The following OCLN variants were observed in gnomAD, a reference collection of about 807,000 sequenced individuals.
OCLN encodes the protein phosphatase 1, regulatory subunit 115.
In OCLN, 21 loss-of-function variants were observed where a neutral mutation model predicts 47.9. The observed-to-expected ratio is 0.44, with a 90% CI of 0.31 to 0.63. The LOEUF (loss-of-function observed/expected upper bound fraction) is 0.63. Ranked by LOEUF, OCLN falls within the 30% of genes least tolerant of loss-of-function variation. The pLI, the probability that OCLN is intolerant of heterozygous loss-of-function variation, is 0.08. For synonymous variants in OCLN, 117 were observed against 198.4 expected (o/e 0.59, Z 3.45); for missense variants, 360 against 571.0 (o/e 0.63, Z 3.77).
chr5:69,525,184 G>C (rs989331321), intron 4 of OCLN, among the ~76,000 whole-genome samples: 1 of 150,616 alleles, frequency 6.6e-6, no homozygotes, highest in Non-Finnish European at 1.5e-5. Flanking sequence ...GGCTCACTGC[G>C]AGCTCCACCT....
rs1205575149 is a variant in OCLN, at chr5:69,509,262, T to C, written c.172T>C (p.Trp58Arg). The C allele has an allele frequency of 1.9e-6, 3 of 1,614,252 alleles. No individual in the cohort carries two copies. The highest frequency in any genetic ancestry group is 4.5e-5 in the East Asian group (2 of 44,890). Residue 58 changes from tryptophan (W) to arginine (R), a missense_variant, in exon 3 of 9, where the codon TGG becomes CGG. Physicochemically the swap from Trp to Arg is moderately radical, Grantham distance 101. Around this residue, in one of 3 missense-constraint regions of OCLN, gnomAD observed 314 missense variants for 368.1 expected, o/e 0.85. Transcript: ENST00000396442. ...PEDEILHFYK[W>R]TSPPGVIRIL... is the part of the protein sequence containing the mutation. The stretch of plus-strand genomic sequence containing the variant: ...AGATGAAATTCTTCACTTCTACAAA[T>C]GGACCTCTCCTCCAGGAGTGATTCG...
intron 4 of OCLN, among the ~76,000 whole-genome samples, chr5:69,523,638 C>T (rs955492568): frequency 1.6e-4 from 25 of 151,662 alleles, no homozygotes; most frequent in Non-Finnish European, 2.1e-4. Flanking sequence ...CGGGTTCAAG[C>T]GATTCTCCTG....
At position 69,509,571 on chromosome 5, in the gene OCLN, A is replaced by G. The variant is rs980777387; in HGVS notation, c.481A>G (p.Ile161Val). The change falls in exon 3 of 9, where the codon ATA becomes GTA. Residue 161 changes from isoleucine to valine, a missense_variant. By Grantham distance (29) the Ile-to-Val change is conservative (BLOSUM62 3). This residue lies in a region of OCLN where 314 missense variants were observed against 368.1 expected (regional missense o/e 0.85). Coordinates refer to ENST00000396442, the MANE Select transcript of OCLN (RefSeq NM_001205254.2). ...AALVIFVTSV[I>V]RSEMSRTRRY... is the part of the protein sequence containing the mutation. Reference sequence around the variant, plus strand: ...GTTGGTGATCTTTGTTACCAGTGTTATAAGATCTGAAATGTCCAGAACAAG... The same window carrying G: ...GTTGGTGATCTTTGTTACCAGTGTTGTAAGATCTGAAATGTCCAGAACAAG... 3.7e-6 allele frequency: 6 copies of G among 1,614,084 alleles called. No homozygotes were observed. In the Admixed American group the frequency reaches 6.7e-5, roughly 18 times the overall value.
chr5:69,517,403 C>T (rs555736962), intron 4 of OCLN, among the ~76,000 whole-genome samples: 40 of 151,556 alleles, frequency 2.6e-4, no homozygotes, highest in Non-Finnish European at 4.7e-4. Flanking sequence ...CTCCGCCTCC[C>T]GGGTTCAAGA....
At position 69,509,668 on chromosome 5, in the gene OCLN, A is replaced by G. The variant is rs201347125; in HGVS notation, c.578A>G (p.Tyr193Cys). Reference protein sequence around the residue: ...GIMVFIATIVYIMGVNPTAQS... With the variant: ...GIMVFIATIVCIMGVNPTAQS... ...ATGGTGTTTATTGCCACAATTGTCT[A>G]TATAATGGGAGTGAACCCAACTGCT... is the stretch of plus-strand genomic sequence containing the variant. The change falls in exon 3 of 9, where the codon TAT (tyrosine) becomes TGT (cysteine). Residue 193 changes from tyrosine to cysteine, a missense_variant. This residue lies in a region of OCLN where 314 missense variants were observed against 368.1 expected (regional missense o/e 0.85). Transcript: ENST00000396442. 107 of 1,614,116 alleles carry G rather than the reference A, an allele frequency of 6.6e-5. No individual in the cohort carries two copies. Among genetic ancestry groups the G allele is most frequent in the Non-Finnish European group, 8.8e-5 (104 of 1,180,046 alleles).
At chr5:69,494,928 A>G (rs1768249954) in intron 1 of OCLN, among the ~76,000 whole-genome samples, 1 of 152,196 alleles carries the variant, frequency 6.6e-6, no homozygotes, top group Admixed American at 6.5e-5. Flanking sequence ...TTCCAGAACC[A>G]GATTTGGGGA....
chr5:69,496,868 C>T (rs1052458979), intron 1 of OCLN, among the ~76,000 whole-genome samples: 1 of 152,114 alleles, frequency 6.6e-6, no homozygotes, highest in African/African-American at 2.4e-5. Flanking sequence ...CCTTTTGCCC[C>T]CGACTCTAAT....
intron 7 of OCLN, among the ~76,000 whole-genome samples, chr5:69,548,487 G>C (rs978404455): frequency 2.0e-5 from 3 of 149,424 alleles, no homozygotes; most frequent in African/African-American, 4.9e-5. Context: ...CTAATTTTTT[G>C]TATTTTTTTT....
At chr5:69,536,233 G>T (rs1238170691) in intron 5 of OCLN, among the ~76,000 whole-genome samples, 3 of 151,494 alleles carry the variant, frequency 2.0e-5, no homozygotes, top group Non-Finnish European at 4.4e-5. Flanking sequence ...GTGAGTGAAT[G>T]TGAAGGCCTA....
In OCLN at chr5:69,493,784, A is replaced by G. The variant is rs980854386; in HGVS notation, c.-69+884A>G. ...ACTGGGCCGGCCCCGCGCGCCAGCC[A>G]TGTTGCCTGCGTCGGAGGAAGCGTG... On this transcript the variant is annotated intron_variant, in intron 1 of 8. Transcript: ENST00000396442. This position sits in a 1 kb window ranked among gnomAD's most constrained non-coding sequence, Gnocchi z 5.3. Among the ~76,000 whole-genome samples the G allele has an allele frequency of 6.6e-6, 1 of 152,138 alleles. No homozygotes were observed. Among genetic ancestry groups the G allele is most frequent in the African/African-American group, 2.4e-5 (1 of 41,444 alleles).
At chr5:69,500,185 T>C (rs1217568976) in intron 1 of OCLN, among the ~76,000 whole-genome samples, 1 of 152,194 alleles carries the variant, frequency 6.6e-6, no homozygotes, top group Admixed American at 6.5e-5. Flanking sequence ...TGGACATAAA[T>C]GGTTCATTCT....
chr5:69,496,390 GC>G (rs1265729873), intron 1 of OCLN, among the ~76,000 whole-genome samples: 4 of 151,956 alleles, frequency 2.6e-5, no homozygotes, highest in African/African-American at 4.8e-5. Context: ...GAGCCACCGC[GC>G]CCGGCCACAA....
chr5:69,508,695 T>C (rs1037519031), intron 2 of OCLN, among the ~76,000 whole-genome samples: 1 of 152,166 alleles, frequency 6.6e-6, no homozygotes, highest in Admixed American at 6.5e-5. Flanking sequence ...GGCTGCCACA[T>C]TGGACAGTAT....
At position 69,547,432 on chromosome 5, in the gene OCLN, G is replaced by A. The variant is rs1192872251; in HGVS notation, c.1254-498G>A. 9.1e-5 allele frequency among the ~76,000 whole-genome samples: 11 copies of A among 120,740 alleles called. No homozygotes were observed. In the East Asian group the frequency reaches 1.3e-3, roughly 15 times the overall value. 79.2% of individuals were successfully genotyped at this position (120,740 alleles called of 152,430 possible). On this transcript the variant is annotated intron_variant, in intron 6 of 8. Transcript: ENST00000396442. ...ACTAAAATACAAAAATTAGCCGGGCGTGGTGGCAGGCACCTGTAATCCCAG... is the reference window on the plus strand; with the variant it reads ...ACTAAAATACAAAAATTAGCCGGGCATGGTGGCAGGCACCTGTAATCCCAG...
chr5:69,549,962 G>T (rs558897108), intron 7 of OCLN, among the ~76,000 whole-genome samples: 3 of 149,788 alleles, frequency 2.0e-5, no homozygotes, highest in African/African-American at 2.4e-5. Context: ...CTTATTTCTG[G>T]CTTTTCTTAA....
At chr5:69,494,663 G>C (rs1260590804) in intron 1 of OCLN, among the ~76,000 whole-genome samples, 1 of 152,202 alleles carries the variant, frequency 6.6e-6, no homozygotes, top group Non-Finnish European at 1.5e-5. Flanking sequence ...GGTAAGACAT[G>C]ATTCTCCACC....
chr5:69,509,070 C>T, intron 2 of OCLN, 71 bp from the exon 3 acceptor site: 2 of 1,279,498 alleles, frequency 1.6e-6, no homozygotes, highest in South Asian at 1.2e-5. Flanking sequence ...TAAATTATTC[C>T]AAATAAGTTG....
At position 69,521,192 on chromosome 5, in the gene OCLN, A is replaced by C. The variant is rs146460345; in HGVS notation, c.891+7083A>C. 1.3e-4 allele frequency among the ~76,000 whole-genome samples: 20 copies of C among 152,346 alleles called. No homozygotes were observed. In the East Asian group the frequency reaches 3.9e-3, roughly 29 times the overall value. On this transcript the variant is annotated intron_variant, in intron 4 of 8. Coordinates refer to ENST00000396442, the MANE Select transcript of OCLN (RefSeq NM_001205254.2). ...TTTTAAAACCAAAAATAGGATCATA[A>C]TGTACACGTTGTATGCAGTTTGCTT...
chr5:69,530,620 T>A (rs1047167339), intron 4 of OCLN: 5 of 152,192 alleles, frequency 3.3e-5, no homozygotes, highest in East Asian at 1.9e-4. Context: ...AAAAAAAAAA[T>A]GGAATGTTTC....
Sources: gnomAD v4.1 joint callset for allele counts (sites outside exome capture counted in the v4.1 genomes callset) on GRCh38, gnomAD v4.1.1 for gene constraint, gnomAD v4.1.1 regional missense constraint, Gnocchi (gnomAD v3.1) non-coding constraint, MANE v1.5 for transcripts, NCBI Gene and HGNC (gene_info 2026-07-23, HGNC 2026-07-21) for gene names.